Variants in ZNF668 observed in about 807,000 individuals in gnomAD.
ZNF668 encodes zinc finger protein 668.
A neutral mutation model predicts 40.3 loss-of-function variants in ZNF668; 10 were observed. The observed-to-expected ratio is 0.25, with a 90% CI of 0.15 to 0.42. ZNF668 has a LOEUF of 0.42. Among genes scored for constraint, ZNF668 ranks in the 10% least tolerant of loss-of-function variants. The pLI, the probability that ZNF668 is intolerant of heterozygous loss-of-function variation, is 1.00. For synonymous variants in ZNF668, 428 were observed against 384.6 expected (o/e 1.11, Z -1.32); for missense variants, 749 against 904.6 (o/e 0.83, Z 2.21).
chr16:31,061,311 C>T lies in ZNF668; in HGVS notation c.1617G>A (p.Pro539=), dbSNP rs773712024. ...GGGTGCAGGGGAAGGGCCGGAGCTC[C>T]GGGTGTGAGCGCTCGTGCCGACGCA... ...TLLRRHERSH[P]ELRPFPCTQC... is the part of the protein sequence containing the mutation. Residue 539 remains proline, a synonymous_variant, in exon 3 of 3, where the codon CCG becomes CCA. Transcript: ENST00000300849. The surrounding 1 kb of genome is among the most constrained non-coding windows in gnomAD (Gnocchi z 7.7). 18 of 1,584,560 alleles carry T rather than the reference C, an allele frequency of 1.1e-5. No homozygotes were observed. The East Asian group carries it at 2.5e-4, about 22-fold the overall frequency.
Position 31,064,346 on chromosome 16 carries a change from C to T in ZNF668, c.114G>A (p.Ala38=), listed in dbSNP as rs750569078. 5.6e-6 allele frequency: 9 copies of T among 1,613,844 alleles called. No homozygotes were observed. Among genetic ancestry groups the T allele is most frequent in the South Asian group, 2.2e-5 (2 of 91,094 alleles). Residue 38 remains alanine, a synonymous_variant, in exon 2 of 3, where the codon GCG becomes GCA. Transcript: ENST00000300849. ...CCGGCCCATGTGTGGCAGCGTGGCG[C>T]GCTGCCCTGGGCGCGTTTGGAAATG... The part of the protein sequence containing the change: ...TKTFPNAPRA[A]RHAATHGPAD...
intron 1 of ZNF668, among the ~76,000 whole-genome samples, chr16:31,072,258 T>G (rs1020471112): frequency 6.6e-6 from 1 of 152,206 alleles, no homozygotes; most frequent in East Asian, 1.9e-4. Context: ...CAGAACCCTG[T>G]GTGGTGACCC....
chr16:31,063,789 C>A, intron 2 of ZNF668, 24 bp downstream of exon 2: 2 of 1,526,280 alleles, frequency 1.3e-6, no homozygotes, highest in Non-Finnish European at 8.8e-7. Flanking sequence ...CCGGAAGGCG[C>A]CCTGCCCCGG....
rs1209555145 is a variant in ZNF668 at position 31,061,422 on chromosome 16, G to C, written c.1506C>G (p.Gly502=). The change falls in exon 3 of 3, where the codon GGC becomes GGG. Residue 502 remains glycine (G), a synonymous_variant. Transcript: ENST00000300849. This position sits in a 1 kb window ranked among gnomAD's most constrained non-coding sequence, Gnocchi z 7.7. ...REAPGPLEGA[G]EAGGEEADEK... ...CGTCAGCCTCCTCACCCCCCGCCTC[G>C]CCTGCCCCTTCCAAGGGACCAGGAG... 2 of 1,613,738 alleles carry C rather than the reference G, an allele frequency of 1.2e-6. No homozygotes were observed. Among genetic ancestry groups the C allele is most frequent in the Non-Finnish European group, 1.7e-6 (2 of 1,179,958 alleles).
chr16:31,061,338 C>T lies in ZNF668; in HGVS notation c.1590G>A (p.Leu530=). Residue 530 remains leucine (L), a synonymous_variant, in exon 3 of 3, where the codon CTG becomes CTA. Coordinates refer to ENST00000300849, the MANE Select transcript of ZNF668 (RefSeq NM_024706.5). This position sits in a 1 kb window ranked among gnomAD's most constrained non-coding sequence, Gnocchi z 7.7. ...GGTGTGAGCGCTCGTGCCGACGCAG[C>T]AGCGTCATTGTGGAGAAGGTCTCCT... The part of the protein sequence containing the change: ...ECKETFSTMT[L]LRRHERSHPE... 6.2e-7 allele frequency: 1 copy of T among 1,604,562 alleles called. No individual in the cohort carries two copies. The highest frequency in any genetic ancestry group is 1.7e-5 in the Admixed American group (1 of 58,958).
chr16:31,064,618 T>C (rs749489068), intron 1 of ZNF668, 137 bp from the exon 2 acceptor site: 37 of 1,538,324 alleles, frequency 2.4e-5, no homozygotes, highest in Non-Finnish European at 3.1e-5. Flanking sequence ...GGCTCTGACA[T>C]CCTGCGTTCG....
chr16:31,061,212 G>A lies in ZNF668; in HGVS notation c.1716C>T (p.Tyr572=), dbSNP rs770333162. 21 of 1,526,964 alleles carry A rather than the reference G, an allele frequency of 1.4e-5. No homozygotes were observed. The highest frequency in any genetic ancestry group is 2.3e-5 in the East Asian group (1 of 44,188). The allele number at this position is 1,526,964 out of a possible 1,614,324, so 94.6% of individuals were successfully genotyped here. Residue 572 remains tyrosine (Y), a synonymous_variant, in exon 3 of 3, where the codon TAC becomes TAT. Coordinates refer to ENST00000300849, the MANE Select transcript of ZNF668 (RefSeq NM_024706.5). The surrounding 1 kb of genome is among the most constrained non-coding windows in gnomAD (Gnocchi z 7.7). ...HSRTHSSVRP[Y]TCPHCPKAFL... ...AGGCCTTGGGACAATGGGGGCAGGT[G>A]TAGGGGCGCACTGAGCTGTGAGTGC... is the stretch of plus-strand genomic sequence containing the variant.
At chr16:31,066,433 T>C in intron 1 of ZNF668, 1 of 950,454 alleles carries the variant, frequency 1.1e-6, no homozygotes, top group Non-Finnish European at 1.3e-6. Flanking sequence ...GGCATGCGCC[T>C]TAAGTCCCAG....
Position 31,063,952 on chromosome 16 carries a change from A to T in ZNF668, c.508T>A (p.Cys170Ser). 1 of 1,606,734 alleles carries T rather than the reference A, an allele frequency of 6.2e-7. No homozygotes were observed. ...RGHTGERPYACADCGKSFADP... is the reference protein window; with the variant it reads ...RGHTGERPYASADCGKSFADP... Reference sequence around the variant, plus strand: ...GCAAAGCTCTTGCCGCAGTCGGCGCAGGCGTAAGGCCGCTCGCCTGTGTGG... The same window carrying T: ...GCAAAGCTCTTGCCGCAGTCGGCGCTGGCGTAAGGCCGCTCGCCTGTGTGG... Residue 170 changes from cysteine to serine, a missense_variant, in exon 2 of 3, where the codon TGC (cysteine) becomes AGC (serine). Physicochemically the swap from Cys to Ser is moderately radical, Grantham distance 112. Coordinates refer to ENST00000300849, the MANE Select transcript of ZNF668 (RefSeq NM_024706.5).
intron 1 of ZNF668, chr16:31,064,735 C>T (rs2056969218): frequency 1.3e-6 from 2 of 1,524,494 alleles, no homozygotes; most frequent in Non-Finnish European, 1.8e-6. Flanking sequence ...ACGTCCCCCC[C>T]CGCCCCCAAC....
rs1167868023 is a variant in ZNF668 at position 31,068,505 on chromosome 16, A to G, written c.-22-4024T>C. Among the ~76,000 whole-genome samples the G allele has an allele frequency of 8.4e-5, 12 of 143,434 alleles. No individual in the cohort carries two copies. In the East Asian group the frequency reaches 2.4e-3, roughly 28 times the overall value. 94.1% of individuals were successfully genotyped at this position (143,434 alleles called of 152,430 possible). ...CCAAAGTGCTGGGATTACAGGCGAG[A>G]GCCACCACGCCCAGACTTTTTTTTT... On this transcript the variant is annotated intron_variant, in intron 1 of 2. Transcript: ENST00000300849.
At chr16:31,066,216 C>T in intron 1 of ZNF668, 1 of 985,436 alleles carries the variant, frequency 1.0e-6, no homozygotes, top group Non-Finnish European at 1.2e-6. Context: ...CAAGAACTTT[C>T]CATGGCTTCC....
Position 31,073,822 on chromosome 16 carries a change from G to A in ZNF668, c.-186C>T, listed in dbSNP as rs2057039642. 1 of 152,270 alleles carries A rather than the reference G, an allele frequency of 6.6e-6. No individual in the cohort carries two copies. The highest frequency in any genetic ancestry group is 2.4e-5 in the African/African-American group (1 of 41,460). 9.4% of individuals were successfully genotyped at this position (152,270 alleles called of 1,614,324 possible). A position where few individuals can be genotyped will look rare whatever the true frequency, so the allele number is the denominator to read the frequency against. On this transcript the variant is annotated 5_prime_UTR_variant, in exon 1 of 3. Coordinates refer to ENST00000300849, the MANE Select transcript of ZNF668 (RefSeq NM_024706.5). ...TGAGGGATCTTCCTCAGCTAGGAAG[G>A]AAGGGAAAGTTCCCGGGGAACCTCC...
At position 31,061,129 on chromosome 16, in the gene ZNF668, GT is replaced by G; in HGVS notation, c.1798del (p.Thr600ProfsTer12). ...HERTHPVPMG[T>X]PTPLEPLVAL... The stretch of plus-strand genomic sequence containing the variant: ...CACCAGGGGCTCCAGGGGTGTGGGG[GT>G]CCCCATGGGCACAGGGTGGGTGCGT... On this transcript the variant is annotated frameshift_variant, in exon 3 of 3. Coordinates refer to ENST00000300849, the MANE Select transcript of ZNF668 (RefSeq NM_024706.5). LOFTEE classifies it high-confidence loss of function. The surrounding 1 kb of genome is among the most constrained non-coding windows in gnomAD (Gnocchi z 7.7). 2 of 1,510,630 alleles carry G rather than the reference GT, an allele frequency of 1.3e-6. No homozygotes were observed. Among genetic ancestry groups the G allele is most frequent in the South Asian group, 2.7e-5 (2 of 74,028 alleles). The allele number at this position is 1,510,630 out of a possible 1,614,324, so 93.6% of individuals were successfully genotyped here.
At chr16:31,072,225 C>G (rs1051875192) in intron 1 of ZNF668, among the ~76,000 whole-genome samples, 1 of 152,186 alleles carries the variant, frequency 6.6e-6, no homozygotes, top group Non-Finnish European at 1.5e-5. Flanking sequence ...GCTAGGAAAC[C>G]GATCATCTGC....
Position 31,061,439 on chromosome 16 carries a change from G to A in ZNF668, c.1489C>T (p.Pro497Ser). 6.2e-7 allele frequency: 1 copy of A among 1,613,862 alleles called. No homozygotes were observed. Among genetic ancestry groups the A allele is most frequent in the Non-Finnish European group, 8.5e-7 (1 of 1,179,976 alleles). Residue 497 changes from proline (P) to serine (S), a missense_variant, in exon 3 of 3, where the codon CCC (proline) becomes TCC (serine). Coordinates refer to ENST00000300849, the MANE Select transcript of ZNF668 (RefSeq NM_024706.5). The surrounding 1 kb of genome is among the most constrained non-coding windows in gnomAD (Gnocchi z 7.7). ...CCCGCCTCGCCTGCCCCTTCCAAGG[G>A]ACCAGGAGCCTCCCGGACACCAGCA... ...QDAGVREAPG[P>S]LEGAGEAGGE...
rs773600518 is a variant in ZNF668, at chr16:31,061,439, GA to G, written c.1488del (p.Leu498TrpfsTer31). 1.2e-6 allele frequency: 2 copies of G among 1,613,862 alleles called. No individual in the cohort carries two copies. The highest frequency in any genetic ancestry group is 4.5e-5 in the East Asian group (2 of 44,870). On this transcript the variant is annotated frameshift_variant, in exon 3 of 3. Coordinates refer to ENST00000300849, the MANE Select transcript of ZNF668 (RefSeq NM_024706.5). LOFTEE classifies it high-confidence loss of function. The surrounding 1 kb of genome is among the most constrained non-coding windows in gnomAD (Gnocchi z 7.7). ...CQDAGVREAP[G>X]PLEGAGEAGG... The stretch of plus-strand genomic sequence containing the variant: ...CCCGCCTCGCCTGCCCCTTCCAAGG[GA>G]CCAGGAGCCTCCCGGACACCAGCAT...
intron 2 of ZNF668, among the ~76,000 whole-genome samples, chr16:31,063,511 C>G (rs1215185393): frequency 6.6e-6 from 1 of 152,160 alleles, no homozygotes. Flanking sequence ...CTCACACCTC[C>G]TGGTCTCCAC....
intron 1 of ZNF668, among the ~76,000 whole-genome samples, chr16:31,071,126 G>C (rs2057013712): frequency 6.6e-6 from 1 of 151,954 alleles, no homozygotes; most frequent in South Asian, 2.1e-4. Flanking sequence ...AAAGTGCTGG[G>C]ATTACAGGCT....
Sources: gnomAD v4.1 joint callset for allele counts (sites outside exome capture counted in the v4.1 genomes callset) on GRCh38, gnomAD v4.1.1 for gene constraint, Gnocchi (gnomAD v3.1) non-coding constraint, MANE v1.5 for transcripts, NCBI Gene and HGNC (gene_info 2026-07-23, HGNC 2026-07-21) for gene names.